The following ZFP14 variants were observed in gnomAD, a reference collection of about 807,000 sequenced individuals.
ZFP14 encodes the protein ZFP14 zinc finger protein, also known as zinc finger protein 14 homolog.
In ZFP14, 22 loss-of-function variants were observed where a neutral mutation model predicts 54.5. The observed-to-expected ratio is 0.40, with a 90% CI of 0.29 to 0.58. The LOEUF (loss-of-function observed/expected upper bound fraction) is 0.58. Among genes scored for constraint, ZFP14 ranks in the 20% least tolerant of loss-of-function variants. ZFP14 has a pLI of 0.39. For synonymous variants in ZFP14, 159 were observed against 204.0 expected, an observed-to-expected ratio of 0.78 and a Z score of 1.88; for missense variants, 470 against 637.8, an observed-to-expected ratio of 0.74 and a Z score of 2.83.
chr19:36,375,686 T>G (rs1401582062), intron 1 of ZFP14, among the ~76,000 whole-genome samples: 1 of 151,642 alleles, frequency 6.6e-6, no homozygotes, highest in Non-Finnish European at 1.5e-5. Flanking sequence ...GCCTCCCGAG[T>G]AGCTGGGACT....
chr19:36,341,114 T>C lies in ZFP14; in HGVS notation c.712A>G (p.Thr238Ala), dbSNP rs1429443122. The C allele has an allele frequency of 1.2e-6, 2 of 1,613,992 alleles. No homozygotes were observed. The highest frequency in any genetic ancestry group is 1.7e-6 in the Non-Finnish European group (2 of 1,179,994). Residue 238 changes from threonine to alanine, a missense_variant, in exon 5 of 5, where the codon ACA becomes GCA. Thr to Ala is a moderately conservative substitution (Grantham distance 58). Transcript: ENST00000270001. This position sits in a 1 kb window ranked among gnomAD's most constrained non-coding sequence, Gnocchi z 4.2. ...TGTTGAGTAAGTTCTTGGAGCACTG[T>C]AAAGGCCTTCCCACACTCCTTACAT... ...YECKECGKAF[T>A]VLQELTQHQR...
intron 2 of ZFP14, among the ~76,000 whole-genome samples, chr19:36,366,765 A>G (rs2031800565): frequency 6.6e-6 from 1 of 152,202 alleles, no homozygotes; most frequent in Non-Finnish European, 1.5e-5. Flanking sequence ...GATGTACTCA[A>G]TTTATGAAAA....
At chr19:36,349,031 C>T (rs2031467678) in intron 4 of ZFP14, among the ~76,000 whole-genome samples, 1 of 151,164 alleles carries the variant, frequency 6.6e-6, no homozygotes, top group Non-Finnish European at 1.5e-5. Flanking sequence ...AGTTCGAGAC[C>T]AGCCTGGCCA....
At chr19:36,342,107 G>C (rs941609930) in intron 4 of ZFP14, among the ~76,000 whole-genome samples, 1 of 150,812 alleles carries the variant, frequency 6.6e-6, no homozygotes, top group African/African-American at 2.4e-5. Flanking sequence ...CACCCACCTC[G>C]GCCTCCCAAA....
intron 4 of ZFP14, among the ~76,000 whole-genome samples, chr19:36,348,488 G>A (rs1417509190): frequency 6.6e-6 from 1 of 152,010 alleles, no homozygotes; most frequent in Non-Finnish European, 1.5e-5. Context: ...GACAGTCAGG[G>A]AAGTCAGGAT....
rs964818502 is a variant in ZFP14 at position 36,339,388 on chromosome 19, C to G, written c.*836G>C. 1 of 152,200 alleles carries G rather than the reference C, an allele frequency of 6.6e-6. No homozygotes were observed. The highest frequency in any genetic ancestry group is 2.4e-5 in the African/African-American group (1 of 41,438). The allele number at this position is 152,200 out of a possible 1,614,324, so 9.4% of individuals were successfully genotyped here. ...CCCCCCAGTGGTCCTGTCTCCAGGA[C>G]TTATTCACACTCTTGTATCATCCCG... On this transcript the variant is annotated 3_prime_UTR_variant, in exon 5 of 5. Transcript: ENST00000270001.
chr19:36,342,434 G>T (rs1176858188), intron 4 of ZFP14, among the ~76,000 whole-genome samples: 1 of 151,572 alleles, frequency 6.6e-6, no homozygotes, highest in Admixed American at 6.6e-5. Context: ...TGATCCGCCC[G>T]CCTCAGCCTT....
chr19:36,367,969 G>C lies in ZFP14; in HGVS notation c.-77C>G. On this transcript the variant is annotated splice_region_variant and 5_prime_UTR_variant, in exon 2 of 5. Transcript: ENST00000270001. Reference sequence around the variant, plus strand: ...AGAACTATGGAGTCCTGATAAGCCAGAGCTGAAAGAAGAAAAAGAAACCAT... The same window carrying C: ...AGAACTATGGAGTCCTGATAAGCCACAGCTGAAAGAAGAAAAAGAAACCAT... 1 of 1,485,090 alleles carries C rather than the reference G, an allele frequency of 6.7e-7. No homozygotes were observed. Among genetic ancestry groups the C allele is most frequent in the Non-Finnish European group, 9.0e-7 (1 of 1,106,044 alleles). The allele number at this position is 1,485,090 out of a possible 1,614,324, so 92.0% of individuals were successfully genotyped here.
rs577317515 is a variant in ZFP14, at chr19:36,334,557, G to T, written c.*5667C>A. 2 of 151,972 alleles carry T rather than the reference G, an allele frequency of 1.3e-5. No homozygotes were observed. The highest frequency in any genetic ancestry group is 3.9e-4 in the East Asian group (2 of 5,192). The allele number at this position is 151,972 out of a possible 1,614,324, so 9.4% of individuals were successfully genotyped here. ...GTTTAACACAAACATATCAAGGATC[G>T]GGCTGGAATCTTTTCCATTCTATAG... On this transcript the variant is annotated 3_prime_UTR_variant, in exon 5 of 5. Transcript: ENST00000270001.
chr19:36,375,588 C>T (rs1288034152), intron 1 of ZFP14, among the ~76,000 whole-genome samples: 2 of 139,300 alleles, frequency 1.4e-5, no homozygotes, highest in Non-Finnish European at 3.1e-5. Context: ...TTTTTTGAGA[C>T]GGAGTCGTGC....
rs1456972827 is a variant in ZFP14, at chr19:36,341,941, TC to T, written c.236-352del. Among the ~76,000 whole-genome samples, 4 of 151,686 alleles carry T rather than the reference TC, an allele frequency of 2.6e-5. No individual in the cohort carries two copies. Among genetic ancestry groups the T allele is most frequent in the African/African-American group, 9.7e-5 (4 of 41,260 alleles). On this transcript the variant is annotated intron_variant, in intron 4 of 4. Coordinates refer to ENST00000270001, the MANE Select transcript of ZFP14 (RefSeq NM_020917.3). The surrounding 1 kb of genome is among the most constrained non-coding windows in gnomAD (Gnocchi z 4.2). The stretch of plus-strand genomic sequence containing the variant: ...ATCCCGGCTCACTGAAAGCTCCGCC[TC>T]CCGGGTTCACGCCATTCTCCTGCCT...
chr19:36,372,058 GAAAA>G (rs1183946677), intron 1 of ZFP14, among the ~76,000 whole-genome samples: 1 of 131,306 alleles, frequency 7.6e-6, no homozygotes, highest in South Asian at 2.5e-4. Context: ...AGGAAAGAAA[GAAAA>G]AGAAGAAAGG....
chr19:36,376,911 C>A (rs115756721), intron 1 of ZFP14, among the ~76,000 whole-genome samples: 1 of 152,108 alleles, frequency 6.6e-6, no homozygotes, highest in Non-Finnish European at 1.5e-5. Context: ...AGGACTAGAA[C>A]CCCCCTACTT....
In ZFP14 at chr19:36,341,541, A is replaced by T. The variant is rs763240732; in HGVS notation, c.285T>A (p.Ile95=). 37 of 1,601,068 alleles carry T rather than the reference A, an allele frequency of 2.3e-5. 1 individual carries two copies. In the East Asian group the frequency reaches 2.7e-4, roughly 12 times the overall value. ...RTNTLSPEKD[I]YEIYSFQWDI... The stretch of plus-strand genomic sequence containing the variant: ...CCCACTGAAATGAATATATTTCATA[A>T]ATGTCCTTTTCTGGAGATAAAGTAT... Residue 95 remains isoleucine (I), a synonymous_variant, in exon 5 of 5, where the codon ATT becomes ATA. Coordinates refer to ENST00000270001, the MANE Select transcript of ZFP14 (RefSeq NM_020917.3). The surrounding 1 kb of genome is among the most constrained non-coding windows in gnomAD (Gnocchi z 4.2).
chr19:36,376,175 TA>T (rs2145566751), intron 1 of ZFP14, among the ~76,000 whole-genome samples: 1 of 152,270 alleles, frequency 6.6e-6, no homozygotes, highest in South Asian at 2.1e-4. Context: ...ATACTACATA[TA>T]AGGCACTTAG....
intron 1 of ZFP14, chr19:36,377,926 T>C (rs1382763877): frequency 6.6e-6 from 1 of 152,234 alleles, no homozygotes; most frequent in Non-Finnish European, 1.5e-5. Flanking sequence ...CACCCCATCA[T>C]TCACTGGGAA....
chr19:36,367,284 C>T (rs2031809135), intron 2 of ZFP14, among the ~76,000 whole-genome samples: 1 of 152,072 alleles, frequency 6.6e-6, no homozygotes. Flanking sequence ...AAAAGCGGTT[C>T]CACTGGAAGA....
In ZFP14 at chr19:36,335,486, C is replaced by T. The variant is rs2145533117; in HGVS notation, c.*4738G>A. On this transcript the variant is annotated 3_prime_UTR_variant, in exon 5 of 5. Transcript: ENST00000270001. ...TCTAATTTTTATTAGGATTATTTTA[C>T]CTTGCAGAATTAATTGGTAAAATCT... 1 of 151,894 alleles carries T rather than the reference C, an allele frequency of 6.6e-6. No homozygotes were observed. Among genetic ancestry groups the T allele is most frequent in the East Asian group, 1.9e-4 (1 of 5,164 alleles). The allele number at this position is 151,894 out of a possible 1,614,324, so 9.4% of individuals were successfully genotyped here. A position where few individuals can be genotyped will look rare whatever the true frequency, so the allele number is the denominator to read the frequency against.
At chr19:36,376,361 C>T (rs2031962160) in intron 1 of ZFP14, among the ~76,000 whole-genome samples, 1 of 152,060 alleles carries the variant, frequency 6.6e-6, no homozygotes, top group Middle Eastern at 3.2e-3. Context: ...GCCTGGCCAA[C>T]ATAGTGAAAC....
Sources: allele counts gnomAD v4.1 joint callset (sites outside exome capture counted in the v4.1 genomes callset), GRCh38; gene constraint gnomAD v4.1.1; non-coding constraint Gnocchi (gnomAD v3.1); transcripts MANE v1.5; gene names NCBI Gene and HGNC (gene_info 2026-07-23, HGNC 2026-07-21).